CCDC7: variants seen among roughly 807,000 people sequenced by gnomAD.
The protein encoded by CCDC7 is coiled-coil domain containing 7.
A neutral mutation model predicts 196.9 loss-of-function variants in CCDC7; 183 were observed. That is an observed-to-expected ratio of 0.93 (90% CI 0.82 to 1.05). The LOEUF (loss-of-function observed/expected upper bound fraction) is 1.05, where lower values mean the gene tolerates loss of function less well. Among genes scored for constraint, CCDC7 ranks in the 50% least tolerant of loss-of-function variants. The pLI is 0.00. For synonymous variants in CCDC7, 525 were observed against 484.6 expected, an observed-to-expected ratio of 1.08 and a Z score of -1.10; for missense variants, 1,540 against 1,482.2, an observed-to-expected ratio of 1.04 and a Z score of -0.64.
intron 30 of CCDC7, among the ~76,000 whole-genome samples, chr10:32,811,612 T>G (rs1489026450): frequency 6.6e-6 from 1 of 152,070 alleles, no homozygotes; most frequent in Non-Finnish European, 1.5e-5. Context: ...AACACATGAC[T>G]AGATGGCCTC....
intron 21 of CCDC7, among the ~76,000 whole-genome samples, chr10:32,678,811 C>T (rs568886257): frequency 6.6e-6 from 1 of 152,240 alleles, no homozygotes; most frequent in Admixed American, 6.5e-5. Context: ...TCTTATTATC[C>T]TTTAATTGCA....
upstream of CCDC7, among the ~76,000 whole-genome samples, chr10:32,446,949 C>CCCCTCTTCCCTT (rs2031412221): frequency 3.0e-4 from 5 of 16,612 alleles, no homozygotes; most frequent in Non-Finnish European, 4.6e-4. Flanking sequence ...TTCCCTTCCT[C>CCCCTCTTCCCTT]CCTCCCTCCC....
chr10:32,556,645 T>G (rs1342353965), intron 13 of CCDC7, among the ~76,000 whole-genome samples: 1 of 152,202 alleles, frequency 6.6e-6, no homozygotes, highest in African/African-American at 2.4e-5. Flanking sequence ...ATGTCTTCCA[T>G]TTAATTTACA....
At position 32,568,179 on chromosome 10, in the gene CCDC7, G is replaced by A. The variant is rs536236617; in HGVS notation, c.1419+288G>A. Among the ~76,000 whole-genome samples the A allele has an allele frequency of 1.4e-3, 220 of 151,832 alleles. 1 individual carries two copies. The highest frequency in any genetic ancestry group is 5.0e-3 in the African/African-American group (209 of 41,426). On this transcript the variant is annotated intron_variant, in intron 15 of 41. Transcript: ENST00000639629. ...GCGCCACCATGCCCGGCTAATTTTT[G>A]TATTTTTAGTAGAGATGGAGTTTCA...
At chr10:32,449,791 T>A (rs2032520858), upstream of CCDC7, among the ~76,000 whole-genome samples, 1 of 152,154 alleles carries the variant, frequency 6.6e-6, no homozygotes, top group African/African-American at 2.4e-5. Context: ...GTGATTAGGT[T>A]ATGAGTGCAG....
chr10:32,477,249 G>A (rs915879279), intron 8 of CCDC7, among the ~76,000 whole-genome samples: 2 of 150,208 alleles, frequency 1.3e-5, no homozygotes, highest in African/African-American at 2.5e-5. Flanking sequence ...TCGCTCTGTC[G>A]CTGGAGTACA....
chr10:32,506,142 G>A (rs1255612915), intron 9 of CCDC7, among the ~76,000 whole-genome samples: 4 of 146,642 alleles, frequency 2.7e-5, no homozygotes, highest in Admixed American at 6.8e-5. Flanking sequence ...CTTCCCATTC[G>A]GGGCAGCCGG....
chr10:32,839,882 A>C (rs2092859864), intron 33 of CCDC7, among the ~76,000 whole-genome samples: 3 of 152,120 alleles, frequency 2.0e-5, no homozygotes, highest in Non-Finnish European at 2.9e-5. Context: ...ATGGAAATTA[A>C]ATAACCTGCT....
rs375003515 is a variant in CCDC7 at position 32,567,720 on chromosome 10, G to T, written c.1248G>T (p.Lys416Asn). The T allele has an allele frequency of 4.1e-5, 66 of 1,613,404 alleles. No homozygotes were observed. The African/African-American group carries it at 4.4e-4, about 11-fold the overall frequency. The change falls in exon 15 of 42, where the codon AAG (lysine) becomes AAT (asparagine). Residue 416 changes from lysine (K) to asparagine (N), a missense_variant. By Grantham distance (94) the Lys-to-Asn change is moderately conservative. Coordinates refer to ENST00000639629, the Ensembl canonical transcript of CCDC7. ...TTAACTATTTCCTAAATCAAGAGAAGTTACTTAAAAGTGAGGGGAAAACTG... is the reference window on the plus strand; with the variant it reads ...TTAACTATTTCCTAAATCAAGAGAATTTACTTAAAAGTGAGGGGAAAACTG...
intron 20 of CCDC7, among the ~76,000 whole-genome samples, chr10:32,635,928 A>G (rs2065559636): frequency 6.6e-6 from 1 of 152,060 alleles, no homozygotes; most frequent in Admixed American, 6.6e-5. Flanking sequence ...TTCCTATTTT[A>G]TCTGCCTGGT....
rs1050203189 is a variant in CCDC7 at position 32,549,937 on chromosome 10, T to C, written c.1134+5636T>C. ...ATATGAATTTTAGGATTGTTTTTTC[T>C]AGTTCTGTGAAGAATTATGGTGGTA... On this transcript the variant is annotated intron_variant, in intron 13 of 41. Coordinates refer to ENST00000639629, the Ensembl canonical transcript of CCDC7. 8.5e-5 allele frequency among the ~76,000 whole-genome samples: 13 copies of C among 152,150 alleles called. No homozygotes were observed. In the East Asian group the frequency reaches 2.5e-3, roughly 29 times the overall value.
At chr10:32,543,329 G>T in exon 12 of CCDC7, 1 of 1,461,348 alleles carries the variant, frequency 6.8e-7, no homozygotes, top group Non-Finnish European at 9.2e-7. Context: ...ATCGAACAAA[G>T]AAAGCTGTGA....
intron 18 of CCDC7, among the ~76,000 whole-genome samples, chr10:32,626,931 C>T (rs1229418284): frequency 6.6e-6 from 1 of 151,796 alleles, no homozygotes. Context: ...TTTGGCAGTA[C>T]CATGCTGTTT....
At chr10:32,868,655 T>C (rs1284053930) in intron 41 of CCDC7, among the ~76,000 whole-genome samples, 2 of 152,068 alleles carry the variant, frequency 1.3e-5, no homozygotes, top group Non-Finnish European at 2.9e-5. Context: ...GCCATGTTGG[T>C]GTGCTGCACC....
intron 20 of CCDC7, among the ~76,000 whole-genome samples, chr10:32,637,123 A>G (rs1015288810): frequency 6.6e-5 from 10 of 152,174 alleles, no homozygotes; most frequent in African/African-American, 2.2e-4. Flanking sequence ...TAGATTCTGG[A>G]TATTAGCCCT....
At chr10:32,577,306 G>A (rs1308004896) in intron 16 of CCDC7, among the ~76,000 whole-genome samples, 1 of 152,104 alleles carries the variant, frequency 6.6e-6, no homozygotes, top group African/African-American at 2.4e-5. Context: ...AGGTTGCAGT[G>A]AGCTGAGATC....
At chr10:32,743,562 A>G (rs2074154823) in intron 28 of CCDC7, among the ~76,000 whole-genome samples, 1 of 152,180 alleles carries the variant, frequency 6.6e-6, no homozygotes, top group South Asian at 2.1e-4. Context: ...TCTTTAGTCC[A>G]TTGTGGAAGA....
At chr10:32,759,411 A>T (rs1463362568) in intron 28 of CCDC7, among the ~76,000 whole-genome samples, 1 of 152,206 alleles carries the variant, frequency 6.6e-6, no homozygotes, top group African/African-American at 2.4e-5. Context: ...GACCAATGGA[A>T]TAGAATAGAG....
chr10:32,819,267 A>C (rs1264845449), intron 31 of CCDC7, among the ~76,000 whole-genome samples: 2 of 152,254 alleles, frequency 1.3e-5, no homozygotes, highest in Non-Finnish European at 2.9e-5. Flanking sequence ...CAAACCAGGA[A>C]GAAGTTAAAT....
Sources: gnomAD v4.1 joint callset for allele counts (sites outside exome capture counted in the v4.1 genomes callset) on GRCh38, gnomAD v4.1.1 for gene constraint, MANE v1.5 for transcripts, NCBI Gene and HGNC (gene_info 2026-07-23, HGNC 2026-07-21) for gene names.